Variants in SNX31 observed in about 807,000 individuals in gnomAD.
The protein encoded by SNX31 is sorting nexin 31, also known as sorting nexin-31.
SNX31 carries 58 observed loss-of-function variants against 65.4 expected under a neutral mutation model. The observed-to-expected ratio is 0.89, with a 90% CI of 0.72 to 1.10. The LOEUF is 1.10. SNX31 is among the 50% of genes least tolerant of loss of function. SNX31 has a pLI of 0.00. For synonymous variants in SNX31, 181 were observed against 190.1 expected (o/e 0.95, Z 0.39); for missense variants, 523 against 529.7 (o/e 0.99, Z 0.12).
chr8:100,616,584 T>C (rs887340782), intron 5 of SNX31, among the ~76,000 whole-genome samples: 2 of 152,134 alleles, frequency 1.3e-5, no homozygotes, highest in Non-Finnish European at 2.9e-5. Flanking sequence ...TGGAAATCAA[T>C]ACAGAAGATT....
At chr8:100,579,548 C>A (rs868130511) in intron 12 of SNX31, among the ~76,000 whole-genome samples, 3 of 152,190 alleles carry the variant, frequency 2.0e-5, no homozygotes, top group Admixed American at 6.5e-5. Flanking sequence ...TGGACCAGCT[C>A]TTCAAAAGGC....
intron 5 of SNX31, 37 bp downstream of exon 5, chr8:100,617,583 G>A (rs1330443420): frequency 7.9e-6 from 11 of 1,399,640 alleles, no homozygotes; most frequent in Non-Finnish European, 1.1e-5. Flanking sequence ...ACCATCCCTA[G>A]ATTCAGTTCT....
intron 2 of SNX31, among the ~76,000 whole-genome samples, chr8:100,637,254 G>A (rs898836379): frequency 2.6e-5 from 4 of 152,186 alleles, no homozygotes; most frequent in Admixed American, 6.5e-5. Flanking sequence ...CACTTGTAGT[G>A]GCAGCTTGAA....
At chr8:100,598,840 A>G (rs1815347952) in intron 9 of SNX31, among the ~76,000 whole-genome samples, 1 of 152,254 alleles carries the variant, frequency 6.6e-6, no homozygotes, top group Admixed American at 6.5e-5. Flanking sequence ...CTGCCACTGC[A>G]ACACAAAAGC....
chr8:100,601,445 T>C (rs1012745183), intron 8 of SNX31, among the ~76,000 whole-genome samples: 2 of 152,142 alleles, frequency 1.3e-5, no homozygotes, highest in African/African-American at 4.8e-5. Context: ...AAAACCCTCA[T>C]ATGGATACTT....
chr8:100,645,886 C>T (rs1173054950), intron 2 of SNX31, among the ~76,000 whole-genome samples: 7 of 152,126 alleles, frequency 4.6e-5, no homozygotes, highest in Admixed American at 4.6e-4. Flanking sequence ...GCTGGGATTG[C>T]AGGTGTGAAT....
At chr8:100,591,252 G>A (rs1486757953) in intron 10 of SNX31, among the ~76,000 whole-genome samples, 2 of 152,148 alleles carry the variant, frequency 1.3e-5, no homozygotes, top group Non-Finnish European at 2.9e-5. Flanking sequence ...AGAGCAGAGA[G>A]ACAATAGACA....
In SNX31 at chr8:100,622,521, C is replaced by CTGTA. The variant is rs1432069777; in HGVS notation, c.322-4792_322-4791insTACA. On this transcript the variant is annotated intron_variant, in intron 4 of 13. Coordinates refer to ENST00000311812, the MANE Select transcript of SNX31 (RefSeq NM_152628.4). This position sits in a 1 kb window ranked among gnomAD's most constrained non-coding sequence, Gnocchi z 5.0. ...CAGAAATTAGCTGGGCGTGGTGGCA[C>CTGTA]ATGCCTGTAATCTCAGCTACTTGGG... is the stretch of plus-strand genomic sequence containing the variant. 1.3e-5 allele frequency among the ~76,000 whole-genome samples: 2 copies of CTGTA among 151,976 alleles called. No individual in the cohort carries two copies. Among genetic ancestry groups the CTGTA allele is most frequent in the Non-Finnish European group, 2.9e-5 (2 of 67,986 alleles).
At position 100,630,758 on chromosome 8, in the gene SNX31, G is replaced by A. The variant is rs1193228281; in HGVS notation, c.257-367C>T. Among the ~76,000 whole-genome samples the A allele has an allele frequency of 6.6e-6, 1 of 152,136 alleles. No homozygotes were observed. The highest frequency in any genetic ancestry group is 1.5e-5 in the Non-Finnish European group (1 of 68,030). ...AGACTCCCAGCCTAGCAAGACACAG[G>A]GTAATTTGAAAATTTAATTCAACCA... On this transcript the variant is annotated intron_variant, in intron 3 of 13. Transcript: ENST00000311812. This position sits in a 1 kb window ranked among gnomAD's most constrained non-coding sequence, Gnocchi z 5.3.
chr8:100,641,741 G>T (rs1174135323), intron 2 of SNX31, among the ~76,000 whole-genome samples: 1 of 139,418 alleles, frequency 7.2e-6, no homozygotes, highest in South Asian at 2.3e-4. Context: ...TTGAGACAGG[G>T]TCTCACTCCT....
At chr8:100,611,454 G>A (rs1478308682) in intron 7 of SNX31, among the ~76,000 whole-genome samples, 2 of 151,764 alleles carry the variant, frequency 1.3e-5, no homozygotes, top group Non-Finnish European at 2.9e-5. Context: ...ACCCCACCCC[G>A]CCCTGAGTAT....
At position 100,573,916 on chromosome 8, in the gene SNX31, C is replaced by T; in HGVS notation, c.1272G>A (p.Lys424=). The T allele has an allele frequency of 6.3e-7, 1 of 1,590,982 alleles. No homozygotes were observed. The change falls in exon 14 of 14, where the codon AAG becomes AAA. Residue 424 remains lysine, a synonymous_variant. Transcript: ENST00000311812. ...SSFLSRKSKI[K]IAKDDCVFGN... ...CAAAAACGCAGTCATCTTTAGCTAT[C>T]TTAATCTTGCTTTTTCTTGATAGAA...
chr8:100,639,248 G>A (rs944870645), intron 2 of SNX31, among the ~76,000 whole-genome samples: 5 of 152,210 alleles, frequency 3.3e-5, no homozygotes, highest in Admixed American at 6.5e-5. Context: ...GGGAATCCGA[G>A]GATGGAATGT....
intron 8 of SNX31, among the ~76,000 whole-genome samples, chr8:100,600,962 A>G (rs1815567425): frequency 6.6e-6 from 1 of 152,212 alleles, no homozygotes; most frequent in Non-Finnish European, 1.5e-5. Flanking sequence ...AAGCAATAGG[A>G]AAAATGTAAG....
chr8:100,612,106 CG>C lies in SNX31; in HGVS notation c.524-20del. The C allele has an allele frequency of 6.4e-7, 1 of 1,573,724 alleles. No individual in the cohort carries two copies. Among genetic ancestry groups the C allele is most frequent in the Non-Finnish European group, 8.7e-7 (1 of 1,143,482 alleles). Reference sequence around the variant, plus strand: ...TTCACAACTAGAGAAAGGAGAAAGCCGGTCTTACTGGTTGAAACAGCACAGA... The same window carrying C: ...TTCACAACTAGAGAAAGGAGAAAGCCGTCTTACTGGTTGAAACAGCACAGA... On this transcript the variant is annotated intron_variant, in intron 6 of 13. Transcript: ENST00000311812. This position sits in a 1 kb window ranked among gnomAD's most constrained non-coding sequence, Gnocchi z 4.3.
chr8:100,649,680 G>A (rs1819900953), upstream of SNX31: 1 of 576,878 alleles, frequency 1.7e-6, no homozygotes, highest in South Asian at 3.0e-5. Context: ...GTGGGGCCGG[G>A]GCCGGGCCGC....
chr8:100,626,304 T>A lies in SNX31; in HGVS notation c.321+4023A>T, dbSNP rs1404865761. Among the ~76,000 whole-genome samples, 1 of 152,126 alleles carries A rather than the reference T, an allele frequency of 6.6e-6. No homozygotes were observed. Among genetic ancestry groups the A allele is most frequent in the Non-Finnish European group, 1.5e-5 (1 of 68,022 alleles). ...TGGGGAAACTGAGGTACAAAAAGCCTAAGTAAATTGACCCAAGTCATATAA... is the reference window on the plus strand; with the variant it reads ...TGGGGAAACTGAGGTACAAAAAGCCAAAGTAAATTGACCCAAGTCATATAA... On this transcript the variant is annotated intron_variant, in intron 4 of 13. Coordinates refer to ENST00000311812, the MANE Select transcript of SNX31 (RefSeq NM_152628.4). The surrounding 1 kb of genome is among the most constrained non-coding windows in gnomAD (Gnocchi z 4.4).
At chr8:100,606,160 G>A (rs1314994132) in intron 8 of SNX31, among the ~76,000 whole-genome samples, 1 of 151,964 alleles carries the variant, frequency 6.6e-6, no homozygotes, top group Non-Finnish European at 1.5e-5. Context: ...TCAGCCTCCT[G>A]AGTAGCTGGG....
chr8:100,644,176 A>T (rs771219200), intron 2 of SNX31, among the ~76,000 whole-genome samples: 30 of 152,094 alleles, frequency 2.0e-4, no homozygotes, highest in Non-Finnish European at 4.1e-4. Flanking sequence ...GGCAGGGAGG[A>T]CAACTGAACC....
Sources: allele counts gnomAD v4.1 joint callset (sites outside exome capture counted in the v4.1 genomes callset), GRCh38; gene constraint gnomAD v4.1.1; non-coding constraint Gnocchi (gnomAD v3.1); transcripts MANE v1.5; gene names NCBI Gene and HGNC (gene_info 2026-07-23, HGNC 2026-07-21).